Variants in MYCBP2 observed in about 807,000 individuals in gnomAD.
The protein encoded by MYCBP2 is MYC binding protein 2, also known as E3 ubiquitin-protein ligase MYCBP2.
MYCBP2 carries 120 observed loss-of-function variants against 525.3 expected under a neutral mutation model. The observed-to-expected ratio is 0.23, with a 90% CI of 0.20 to 0.27. The LOEUF (loss-of-function observed/expected upper bound fraction) is 0.27. MYCBP2 is among the 10% of genes least tolerant of loss of function. The pLI, the probability that MYCBP2 is intolerant of heterozygous loss-of-function variation, is 1.00. For missense variants in MYCBP2, 4,149 were observed against 5,657.1 expected, an observed-to-expected ratio of 0.73 and a Z score of 8.55; for synonymous variants, 1,894 against 1,955.8, an observed-to-expected ratio of 0.97 and a Z score of 0.83.
chr13:77,058,377 C>T lies in MYCBP2; in HGVS notation c.13170G>A (p.Thr4390=), dbSNP rs762181785. ...CCCCGCATGGATGGCCACAAGGATG[C>T]GTCTTACTACAGGCTATCTTAGCGT... ...QEYAKIACSK[T]HPCGHPCGGV... Residue 4390 remains threonine, a synonymous_variant, in exon 78 of 83, where the codon ACG becomes ACA. Transcript: ENST00000544440. The surrounding 1 kb of genome is among the most constrained non-coding windows in gnomAD (Gnocchi z 4.1). 28 of 1,612,794 alleles carry T rather than the reference C, an allele frequency of 1.7e-5. No homozygotes were observed. The highest frequency in any genetic ancestry group is 3.3e-5 in the South Asian group (3 of 90,980).
chr13:77,307,625 CAAAAAAAAA>C (rs763388200), intron 1 of MYCBP2, among the ~76,000 whole-genome samples: 3,124 of 30,016 alleles, frequency 0.1, 58 homozygotes, highest in Non-Finnish European at 0.14. Context: ...GACCCTGTCT[CAAAAAAAAA>C]AAAAAAAAAA....
intron 7 of MYCBP2, 125 bp downstream of exon 7, chr13:77,269,867 G>T: frequency 2.7e-6 from 2 of 753,716 alleles, no homozygotes; most frequent in Non-Finnish European, 4.4e-6. Context: ...CAGTTATTAT[G>T]GCCATATTAG....
chr13:77,173,858 T>C lies in MYCBP2; in HGVS notation c.5651+453A>G, dbSNP rs1283155512. ...ACATTATAAGAAACACACTATTATA[T>C]ATTCTAGGGCCCCAGGGGGCAGGTC... On this transcript the variant is annotated intron_variant, in intron 37 of 82. Transcript: ENST00000544440. 2.6e-5 allele frequency among the ~76,000 whole-genome samples: 4 copies of C among 152,198 alleles called. No individual in the cohort carries two copies. In the East Asian group the frequency reaches 7.7e-4, roughly 29 times the overall value.
In MYCBP2 at chr13:77,151,676, C is replaced by G. The variant is rs74655610; in HGVS notation, c.6916-727G>C. ...AAATACAAATTGTCTTATAAAAATACCTTTTAGATATATTTTCCAGGAATT... is the reference window on the plus strand; with the variant it reads ...AAATACAAATTGTCTTATAAAAATAGCTTTTAGATATATTTTCCAGGAATT... On this transcript the variant is annotated intron_variant, in intron 46 of 82. Transcript: ENST00000544440. Among the ~76,000 whole-genome samples the G allele has an allele frequency of 5.5e-3, 844 of 152,128 alleles. 5 individuals carry two copies. Among genetic ancestry groups the G allele is most frequent in the African/African-American group, 0.019 (783 of 41,500 alleles).
At chr13:77,229,200 T>C (rs2066777847) in intron 18 of MYCBP2, among the ~76,000 whole-genome samples, 1 of 152,182 alleles carries the variant, frequency 6.6e-6, no homozygotes, top group Admixed American at 6.5e-5. Context: ...ATCTATAATA[T>C]AGCAACAATG....
chr13:77,151,898 A>G (rs2056513146), intron 46 of MYCBP2, among the ~76,000 whole-genome samples: 1 of 152,210 alleles, frequency 6.6e-6, no homozygotes, highest in South Asian at 2.1e-4. Context: ...AAATGTACAC[A>G]CAATTTGAAT....
rs371057099 is a variant in MYCBP2, at chr13:77,250,537, T to A, written c.2381+614A>T. On this transcript the variant is annotated intron_variant, in intron 15 of 82. Transcript: ENST00000544440. ...ATAACTAGCAATGTAGAAAATAGAT[T>A]CAAAATTCTTCCTAACATCCTAGCA... Among the ~76,000 whole-genome samples the A allele has an allele frequency of 1.1e-4, 16 of 152,288 alleles. No individual in the cohort carries two copies. The South Asian group carries it at 3.3e-3, about 32-fold the overall frequency.
chr13:77,292,011 GAACATCAAGCTT>G (rs1250667270), intron 2 of MYCBP2, among the ~76,000 whole-genome samples: 1 of 152,122 alleles, frequency 6.6e-6, no homozygotes, highest in Admixed American at 6.5e-5. Flanking sequence ...CTGCATGTAC[GAACATCAAGCTT>G]TACAATGTGT....
At position 77,273,672 on chromosome 13, in the gene MYCBP2, T is replaced by C. The variant is rs778273011; in HGVS notation, c.749-4A>G. 1.4e-5 allele frequency: 21 copies of C among 1,494,966 alleles called. No individual in the cohort carries two copies. Among genetic ancestry groups the C allele is most frequent in the Non-Finnish European group, 4.5e-6 (5 of 1,123,310 alleles). The allele number at this position is 1,494,966 out of a possible 1,614,324, so 92.6% of individuals were successfully genotyped here. ...AAAAGAAGCTGGAAGAGAGACTCTG[T>C]GGATAAAATAGAATTCAATTATATT... On this transcript the variant is annotated splice_polypyrimidine_tract_variant and splice_region_variant and intron_variant, in intron 4 of 82. Coordinates refer to ENST00000544440, the MANE Select transcript of MYCBP2 (RefSeq NM_015057.5).
In MYCBP2 at chr13:77,067,635, G is replaced by A. The variant is rs1275166230; in HGVS notation, c.12401C>T (p.Thr4134Ile). 1 of 1,614,182 alleles carries A rather than the reference G, an allele frequency of 6.2e-7. No individual in the cohort carries two copies. The highest frequency in any genetic ancestry group is 1.1e-5 in the South Asian group (1 of 91,082). ...KGTTITGTAG[T>I]TVGKGVTTVT... is the part of the protein sequence containing the mutation. ...TGTTGTAACTCCTTTGCCCACAGTGGTACCAGCTGTTCCAGTGATGGTGGT... is the reference window on the plus strand; with the variant it reads ...TGTTGTAACTCCTTTGCCCACAGTGATACCAGCTGTTCCAGTGATGGTGGT... The change falls in exon 71 of 83, where the codon ACC becomes ATC. Residue 4134 changes from threonine to isoleucine, a missense_variant. Thr to Ile is a moderately conservative substitution (Grantham distance 89). Around this residue, in one of 21 missense-constraint regions of MYCBP2, gnomAD observed 148 missense variants for 179.4 expected, o/e 0.82. Transcript: ENST00000544440.
rs376208791 is a variant in MYCBP2 at position 77,121,500 on chromosome 13, A to G, written c.8018-5T>C. Reference sequence around the variant, plus strand: ...TCTGATCCAGAAGAGCTTGTTCTACAATAAAAGCCATAGCTGTAACATTAG... The same window carrying G: ...TCTGATCCAGAAGAGCTTGTTCTACGATAAAAGCCATAGCTGTAACATTAG... On this transcript the variant is annotated splice_region_variant and splice_polypyrimidine_tract_variant and intron_variant, in intron 54 of 82. Transcript: ENST00000544440. The G allele has an allele frequency of 8.2e-5, 128 of 1,564,150 alleles. No homozygotes were observed. The highest frequency in any genetic ancestry group is 1.0e-4 in the Non-Finnish European group (116 of 1,149,294).
At position 77,095,544 on chromosome 13, in the gene MYCBP2, A is replaced by G. The variant is rs763318628; in HGVS notation, c.10013T>C (p.Met3338Thr). ...GGCTTTAATCACCTGGTGAGCTTCC[A>G]TGGTGGGCAAGGCACGAGGGGTCTT... Reference protein sequence around the residue: ...QVKTPRALPTMEAHQVIKANA... With the variant: ...QVKTPRALPTTEAHQVIKANA... The change falls in exon 58 of 83, where the codon ATG becomes ACG. Residue 3338 changes from methionine (M) to threonine (T), a missense_variant. Around this residue, in one of 21 missense-constraint regions of MYCBP2, gnomAD observed 509 missense variants for 789.4 expected, o/e 0.64. Transcript: ENST00000544440. The G allele has an allele frequency of 6.2e-7, 1 of 1,613,602 alleles. No homozygotes were observed. The highest frequency in any genetic ancestry group is 8.5e-7 in the Non-Finnish European group (1 of 1,179,696).
chr13:77,210,796 A>T (rs533893515), intron 23 of MYCBP2, among the ~76,000 whole-genome samples: 1 of 152,356 alleles, frequency 6.6e-6, no homozygotes, highest in South Asian at 2.1e-4. Flanking sequence ...AACTCTCAAC[A>T]GTAAAATTAA....
chr13:77,226,604 C>G (rs890788696), intron 18 of MYCBP2, among the ~76,000 whole-genome samples: 2 of 152,154 alleles, frequency 1.3e-5, no homozygotes, highest in Non-Finnish European at 2.9e-5. Context: ...TCTACAGACA[C>G]ACACTTTCTA....
chr13:77,117,983 C>T (rs2050070617), intron 55 of MYCBP2, among the ~76,000 whole-genome samples: 1 of 152,114 alleles, frequency 6.6e-6, no homozygotes, highest in Non-Finnish European at 1.5e-5. Context: ...ACCAAATTCA[C>T]TTAGAAAAAA....
chr13:77,107,157 A>T (rs2047982777), intron 55 of MYCBP2, among the ~76,000 whole-genome samples: 1 of 152,142 alleles, frequency 6.6e-6, no homozygotes, highest in Non-Finnish European at 1.5e-5. Flanking sequence ...GTCATTGTGC[A>T]TTTCTATTTT....
chr13:77,292,950 C>T (rs2077641167), intron 2 of MYCBP2, among the ~76,000 whole-genome samples: 1 of 135,834 alleles, frequency 7.4e-6, no homozygotes, highest in African/African-American at 2.8e-5. Flanking sequence ...CAGAGCAAGA[C>T]TCCGTCTCAA....
At chr13:77,184,918 A>G (rs1023071906) in intron 32 of MYCBP2, among the ~76,000 whole-genome samples, 185 bp downstream of exon 32, 1 of 152,224 alleles carries the variant, frequency 6.6e-6, no homozygotes, top group African/African-American at 2.4e-5. Flanking sequence ...CAATTTTGTA[A>G]CTAAAAGATG....
intron 59 of MYCBP2, chr13:77,092,708 G>A (rs1454821653): frequency 6.6e-6 from 1 of 152,540 alleles, no homozygotes; most frequent in African/African-American, 2.4e-5. Context: ...TTACAGGTGT[G>A]AGCCACAGCG....
Sources: allele counts gnomAD v4.1 joint callset (sites outside exome capture counted in the v4.1 genomes callset), GRCh38; gene constraint gnomAD v4.1.1; regional missense constraint gnomAD v4.1.1; non-coding constraint Gnocchi (gnomAD v3.1); transcripts MANE v1.5; gene names NCBI Gene and HGNC (gene_info 2026-07-23, HGNC 2026-07-21).